Variants in ROR2 observed in about 807,000 individuals in gnomAD.
The protein encoded by ROR2 is tyrosine-protein kinase transmembrane receptor ROR2.
ROR2 carries 33 observed loss-of-function variants against 74.9 expected under a neutral mutation model. That is an observed-to-expected ratio of 0.44 (90% confidence interval 0.33 to 0.59). The LOEUF (loss-of-function observed/expected upper bound fraction) is 0.59. Ranked by LOEUF, ROR2 falls within the 20% of genes least tolerant of loss-of-function variation. ROR2 has a pLI of 0.02. For missense variants in ROR2, 1,216 were observed against 1,313.8 expected, an observed-to-expected ratio of 0.93 and a Z score of 1.15; for synonymous variants, 586 against 558.7, an observed-to-expected ratio of 1.05 and a Z score of -0.69.
intron 1 of ROR2, among the ~76,000 whole-genome samples, chr9:91,844,727 ACT>A (rs1828874009): frequency 6.6e-6 from 1 of 152,160 alleles, no homozygotes; most frequent in African/African-American, 2.4e-5. Context: ...CAGAACCTAC[ACT>A]GTTAGGAAGG....
At chr9:91,763,873 A>C (rs1334376771) in intron 2 of ROR2, among the ~76,000 whole-genome samples, 2 of 152,322 alleles carry the variant, frequency 1.3e-5, no homozygotes, top group East Asian at 3.9e-4. Context: ...CTGTGTGATC[A>C]CAATTCTTTG....
At chr9:91,838,929 C>T (rs946011553) in intron 1 of ROR2, among the ~76,000 whole-genome samples, 2 of 152,002 alleles carry the variant, frequency 1.3e-5, no homozygotes, top group Admixed American at 1.3e-4. Context: ...AGAGAAGTTC[C>T]CGGTGGACTC....
At chr9:91,780,640 A>T (rs1173832894) in intron 1 of ROR2, among the ~76,000 whole-genome samples, 1 of 151,704 alleles carries the variant, frequency 6.6e-6, no homozygotes, top group Admixed American at 6.6e-5. Flanking sequence ...AAAATACAAA[A>T]ATTAGCCAGG....
At chr9:91,785,942 A>G (rs903811290) in intron 1 of ROR2, among the ~76,000 whole-genome samples, 5 of 152,068 alleles carry the variant, frequency 3.3e-5, no homozygotes, top group Non-Finnish European at 7.4e-5. Context: ...TTAAAACTCT[A>G]CCATACACTA....
chr9:91,927,753 G>A (rs140037842), intron 1 of ROR2, among the ~76,000 whole-genome samples: 2,797 of 151,696 alleles, frequency 0.018, 89 homozygotes, highest in African/African-American at 0.064. Flanking sequence ...TAGTAGAGAC[G>A]GGGTTTCACC....
intron 1 of ROR2, among the ~76,000 whole-genome samples, chr9:91,895,743 T>G (rs1239784247): frequency 6.6e-6 from 1 of 152,122 alleles, no homozygotes; most frequent in Non-Finnish European, 1.5e-5. Context: ...CTCGGGAGGC[T>G]GACACGGGAG....
intron 1 of ROR2, among the ~76,000 whole-genome samples, chr9:91,835,923 G>A (rs1275428917): frequency 6.6e-6 from 1 of 152,194 alleles, no homozygotes; most frequent in Non-Finnish European, 1.5e-5. Context: ...TGGGCGCTAG[G>A]ACAACGCTTT....
intron 1 of ROR2, among the ~76,000 whole-genome samples, chr9:91,941,830 G>A (rs1357856194): frequency 7.3e-6 from 1 of 136,910 alleles, no homozygotes; most frequent in East Asian, 2.3e-4. Flanking sequence ...TTGCTCTGCT[G>A]CCCAGACTGG....
chr9:91,949,047 G>A (rs1389954502), intron 1 of ROR2, among the ~76,000 whole-genome samples: 3 of 151,756 alleles, frequency 2.0e-5, no homozygotes, highest in Non-Finnish European at 4.4e-5. Flanking sequence ...GGGAAGTGGG[G>A]CCCCGGGAGG....
At chr9:91,916,282 T>C (rs997100758) in intron 1 of ROR2, among the ~76,000 whole-genome samples, 7 of 152,390 alleles carry the variant, frequency 4.6e-5, no homozygotes, top group African/African-American at 1.4e-4. Context: ...TTCTAAGTCA[T>C]GGATAATCTT....
chr9:91,767,251 T>G (rs1179007140), intron 2 of ROR2, among the ~76,000 whole-genome samples: 1 of 152,062 alleles, frequency 6.6e-6, no homozygotes, highest in Admixed American at 6.6e-5. Flanking sequence ...ATTTTTGTGT[T>G]TTTAATAGAG....
intron 4 of ROR2, among the ~76,000 whole-genome samples, chr9:91,745,600 A>G (rs1305946979): frequency 2.0e-5 from 3 of 150,914 alleles, no homozygotes; most frequent in African/African-American, 7.3e-5. Context: ...TAATTTTTCT[A>G]TTTTTAGTAG....
chr9:91,830,718 T>G (rs1828438459), intron 1 of ROR2, among the ~76,000 whole-genome samples: 2 of 152,080 alleles, frequency 1.3e-5, no homozygotes, highest in African/African-American at 4.8e-5. Context: ...GCATCCATCG[T>G]TCATGGAAGT....
chr9:91,825,443 A>G (rs1330093462), intron 1 of ROR2, among the ~76,000 whole-genome samples: 1 of 152,178 alleles, frequency 6.6e-6, no homozygotes, highest in Non-Finnish European at 1.5e-5. Flanking sequence ...AACAGAGTGC[A>G]ATGTACTTGT....
intron 2 of ROR2, among the ~76,000 whole-genome samples, chr9:91,771,704 C>G (rs1826231831): frequency 6.8e-6 from 1 of 147,490 alleles, no homozygotes; most frequent in African/African-American, 2.5e-5. Context: ...CTGTCTCTCT[C>G]TCTCTCTCCT....
intron 3 of ROR2, among the ~76,000 whole-genome samples, chr9:91,756,743 CTTTTTTTTTT>C (rs557043787): frequency 2.9e-5 from 3 of 104,066 alleles, no homozygotes; most frequent in Non-Finnish European, 3.8e-5. Flanking sequence ...TTTTTGTTCT[CTTTTTTTTTT>C]TTTTTTTTTT....
At chr9:91,863,566 T>A (rs1030774829) in intron 1 of ROR2, among the ~76,000 whole-genome samples, 1 of 152,186 alleles carries the variant, frequency 6.6e-6, no homozygotes, top group African/African-American at 2.4e-5. Flanking sequence ...GGTGTATCTG[T>A]ACAGTGAAAG....
rs1837143930 is a variant in ROR2 at position 91,729,035 on chromosome 9, A to G, written c.1183+1875T>C. ...AGAATTGACTGGTCCAAAATCATAC[A>G]TTTTTTTCATGCTTTGATTTATTTT... On this transcript the variant is annotated intron_variant, in intron 7 of 8. Coordinates refer to ENST00000375708, the MANE Select transcript of ROR2 (RefSeq NM_004560.4). Among the ~76,000 whole-genome samples, 13 of 150,730 alleles carry G rather than the reference A, an allele frequency of 8.6e-5. No homozygotes were observed. In the South Asian group the frequency reaches 2.5e-3, roughly 29 times the overall value.
intron 1 of ROR2, among the ~76,000 whole-genome samples, chr9:91,836,351 C>A (rs988261443): frequency 4.6e-5 from 7 of 152,016 alleles, no homozygotes; most frequent in Admixed American, 4.6e-4. Context: ...GCCAGCCTGG[C>A]CAACATGGTG....
Sources: gnomAD v4.1 joint callset for allele counts (sites outside exome capture counted in the v4.1 genomes callset) on GRCh38, gnomAD v4.1.1 for gene constraint, MANE v1.5 for transcripts, NCBI Gene and HGNC (gene_info 2026-07-23, HGNC 2026-07-21) for gene names.